Variants in BAG1 observed in about 807,000 individuals in gnomAD.
BAG1 encodes BAG cochaperone 1.
Under a neutral mutation model 35.5 loss-of-function variants are expected in BAG1, and 35 were observed. The ratio of observed to expected loss-of-function variants is 0.99; its 90% CI spans 0.75 to 1.31. The LOEUF is 1.31. BAG1 is among the 50% of genes most tolerant of loss of function. BAG1 has a pLI of 0.00. For synonymous variants in BAG1, 191 were observed against 178.9 expected (o/e 1.07, Z -0.54); for missense variants, 464 against 453.6 (o/e 1.02, Z -0.21).
chr9:33,262,886 G>T, intron 1 of BAG1, 56 bp from the exon 2 acceptor site: 1 of 1,595,350 alleles, frequency 6.3e-7, no homozygotes, highest in Admixed American at 1.7e-5. Context: ...CACCAATATA[G>T]GATGACACTT....
intron 2 of BAG1, chr9:33,261,804 G>A (rs747074110): frequency 1.2e-5 from 10 of 856,136 alleles, no homozygotes; most frequent in South Asian, 5.4e-5. Context: ...TTCTCAGGGG[G>A]GTGGGAAGAC....
In BAG1 at chr9:33,264,429, C is replaced by T. The variant is rs1181999947; in HGVS notation, c.246G>A (p.Arg82=). ...CCTCGCTCCGGGTCAACTCCTCGCT[C>T]CGGGTCGAGCGGCGCCGGGTTTTCT... Residue 82 remains arginine, a synonymous_variant, in exon 1 of 7, where the codon CGG becomes CGA. Coordinates refer to ENST00000634734, the MANE Select transcript of BAG1 (RefSeq NM_004323.6). The T allele has an allele frequency of 1.2e-6, 2 of 1,612,000 alleles. No homozygotes were observed. Among genetic ancestry groups the T allele is most frequent in the Admixed American group, 1.7e-5 (1 of 59,078 alleles).
chr9:33,262,665 A>C, intron 2 of BAG1, 37 bp downstream of exon 2: 1 of 1,560,370 alleles, frequency 6.4e-7, no homozygotes. Flanking sequence ...CTCAAAAAAA[A>C]AAAAAGAAAA....
rs1389416464 is a variant in BAG1 at position 33,257,269 on chromosome 9, G to C, written c.778-361C>G. ...CTGCCATTTACTAACTTGTGATCTT[G>C]AGCAAATTATTTAGCCTATTCATGC... On this transcript the variant is annotated intron_variant, in intron 4 of 6. Coordinates refer to ENST00000634734, the MANE Select transcript of BAG1 (RefSeq NM_004323.6). 2.0e-5 allele frequency: 4 copies of C among 198,976 alleles called. No individual in the cohort carries two copies. In the East Asian group the frequency reaches 5.4e-4, roughly 27 times the overall value. 12.3% of individuals were successfully genotyped at this position (198,976 alleles called of 1,614,324 possible).
rs745800802 is a variant in BAG1, at chr9:33,262,652, C to G, written c.580+50G>C. 5.4e-6 allele frequency: 8 copies of G among 1,486,954 alleles called. No homozygotes were observed. The East Asian group carries it at 1.2e-4, about 22-fold the overall frequency. The allele number at this position is 1,486,954 out of a possible 1,614,324, so 92.1% of individuals were successfully genotyped here. ...AGCCTGGGCGACAAGAGTGAAACTT[C>G]GTCTCAAAAAAAAAAAAAGAAAAAG... On this transcript the variant is annotated intron_variant, in intron 2 of 6. Coordinates refer to ENST00000634734, the MANE Select transcript of BAG1 (RefSeq NM_004323.6).
In BAG1 at chr9:33,255,868, A is replaced by C; in HGVS notation, c.945T>G (p.Val315=). 3 of 1,613,710 alleles carry C rather than the reference A, an allele frequency of 1.9e-6. No individual in the cohort carries two copies. The South Asian group carries it at 3.3e-5, about 18-fold the overall frequency. Residue 315 remains valine (V), a synonymous_variant, in exon 6 of 7, where the codon GTT becomes GTG. Transcript: ENST00000634734. ...CGTGCACTATTACACAACTCACCTGAACCTTTTTTACCAAGCCTTTCCTTT... is the reference window on the plus strand; with the variant it reads ...CGTGCACTATTACACAACTCACCTGCACCTTTTTTACCAAGCCTTTCCTTT...
At position 33,264,321 on chromosome 9, in the gene BAG1, C is replaced by G; in HGVS notation, c.354G>C (p.Arg118=). The G allele has an allele frequency of 6.2e-7, 1 of 1,613,508 alleles. No individual in the cohort carries two copies. Among genetic ancestry groups the G allele is most frequent in the Middle Eastern group, 1.6e-4 (1 of 6,062 alleles). ...CCTCGTCCCGGGTCACCTCCTGGCTCCGATTCATCTCTTCGCCCTGGGTCG... is the reference window on the plus strand; with the variant it reads ...CCTCGTCCCGGGTCACCTCCTGGCTGCGATTCATCTCTTCGCCCTGGGTCG... The change falls in exon 1 of 7, where the codon CGG becomes CGC. Residue 118 remains arginine (R), a synonymous_variant. Transcript: ENST00000634734.
At chr9:33,258,541 C>T (rs113614742) in intron 4 of BAG1, among the ~76,000 whole-genome samples, 68 of 152,252 alleles carry the variant, frequency 4.5e-4, no homozygotes, top group African/African-American at 1.6e-3. Context: ...ATTACAACAG[C>T]CCAGAGAGAA....
chr9:33,256,978 A>G (rs1820468940), intron 4 of BAG1, 70 bp from the exon 5 acceptor site: 1 of 1,166,102 alleles, frequency 8.6e-7, no homozygotes, highest in African/African-American at 1.5e-5. Flanking sequence ...CACAATACTA[A>G]TGATGCAATC....
chr9:33,254,551 T>C lies in BAG1; in HGVS notation c.*668A>G, dbSNP rs1351627033. On this transcript the variant is annotated 3_prime_UTR_variant, in exon 7 of 7. Coordinates refer to ENST00000634734, the MANE Select transcript of BAG1 (RefSeq NM_004323.6). ...CAGTCAACACTGGGTTCTAACCTTCTGAAGACTTGCTTGGGGACAAGGAAG... is the reference window on the plus strand; with the variant it reads ...CAGTCAACACTGGGTTCTAACCTTCCGAAGACTTGCTTGGGGACAAGGAAG... 2 of 159,988 alleles carry C rather than the reference T, an allele frequency of 1.3e-5. No homozygotes were observed. The highest frequency in any genetic ancestry group is 4.8e-5 in the African/African-American group (2 of 41,492). The allele number at this position is 159,988 out of a possible 1,614,324, so 9.9% of individuals were successfully genotyped here.
Position 33,264,281 on chromosome 9 carries a change from C to T in BAG1, c.394G>A (p.Glu132Lys), listed in dbSNP as rs1820653643. Residue 132 changes from glutamate (E) to lysine (K), a missense_variant, in exon 1 of 7, where the codon GAG becomes AAG. Glu to Lys is a moderately conservative substitution (Grantham distance 56). Coordinates refer to ENST00000634734, the MANE Select transcript of BAG1 (RefSeq NM_004323.6). ...GCCATTTCCTCCCTGGTCACCTCCTCGCTCCGGGTCGACTCCTCGTCCCGG... is the reference window on the plus strand; with the variant it reads ...GCCATTTCCTCCCTGGTCACCTCCTTGCTCCGGGTCGACTCCTCGTCCCGG... 6.2e-7 allele frequency: 1 copy of T among 1,613,852 alleles called. No homozygotes were observed. The highest frequency in any genetic ancestry group is 8.5e-7 in the Non-Finnish European group (1 of 1,179,956).
In BAG1 at chr9:33,254,857, T is replaced by C; in HGVS notation, c.*362A>G. 2.3e-6 allele frequency: 1 copy of C among 431,906 alleles called. No homozygotes were observed. 26.8% of individuals were successfully genotyped at this position (431,906 alleles called of 1,614,324 possible). The stretch of plus-strand genomic sequence containing the variant: ...ACAAGAGCAAAGAAGCCCTCATGTA[T>C]CTGAAGACTGAGGGGGCCTATAAAC... On this transcript the variant is annotated 3_prime_UTR_variant, in exon 7 of 7. Coordinates refer to ENST00000634734, the MANE Select transcript of BAG1 (RefSeq NM_004323.6).
Position 33,255,346 on chromosome 9 carries a change from G to A in BAG1, c.949-38C>T, listed in dbSNP as rs545605969. The stretch of plus-strand genomic sequence containing the variant: ...CACGGGGCAGTAAGGGCCCATCCAG[G>A]GGTAGCCGACCACTGCCCACACAAG... On this transcript the variant is annotated intron_variant, in intron 6 of 6. Coordinates refer to ENST00000634734, the MANE Select transcript of BAG1 (RefSeq NM_004323.6). 67 of 1,613,570 alleles carry A rather than the reference G, an allele frequency of 4.2e-5. No homozygotes were observed. In the South Asian group the frequency reaches 7.4e-4, roughly 18 times the overall value.
intron 3 of BAG1, 81 bp from the exon 4 acceptor site, chr9:33,259,114 A>C: frequency 8.8e-7 from 1 of 1,141,240 alleles, no homozygotes; most frequent in East Asian, 2.5e-5. Context: ...TAATCCCAGC[A>C]CTTTGGGAGG....
intron 4 of BAG1, chr9:33,257,189 G>A (rs1820474383): frequency 2.6e-6 from 1 of 386,908 alleles, no homozygotes; most frequent in Non-Finnish European, 4.7e-6. Context: ...CACAAGAAGA[G>A]GCAGATGTTA....
intron 5 of BAG1, among the ~76,000 whole-genome samples, chr9:33,256,138 A>G (rs1472312763): frequency 6.6e-6 from 1 of 152,070 alleles, no homozygotes; most frequent in Non-Finnish European, 1.5e-5. Flanking sequence ...GTCCCTATAA[A>G]AGCTCCCTGT....
intron 3 of BAG1, 129 bp downstream of exon 3, chr9:33,260,958 T>G: frequency 3.2e-6 from 2 of 631,690 alleles, no homozygotes; most frequent in South Asian, 4.5e-5. Flanking sequence ...CAATAAAGAT[T>G]GTATTTGTTT....
Position 33,264,660 on chromosome 9 carries a change from C to A in BAG1, c.15G>T (p.Gly5=), listed in dbSNP as rs576413756. ...GGTCGCCTCGCGGTCTCCGCGCCCCCCCGCGCTGAGCCAGGCCCGCACTTG... is the reference window on the plus strand; with the variant it reads ...GGTCGCCTCGCGGTCTCCGCGCCCCACCGCGCTGAGCCAGGCCCGCACTTG... The change falls in exon 1 of 7, where the codon GGG becomes GGT. Residue 5 remains glycine, a synonymous_variant. Coordinates refer to ENST00000634734, the MANE Select transcript of BAG1 (RefSeq NM_004323.6). 26 of 1,347,714 alleles carry A rather than the reference C, an allele frequency of 1.9e-5. No individual in the cohort carries two copies. The highest frequency in any genetic ancestry group is 1.2e-4 in the Admixed American group (3 of 25,288). 83.5% of individuals were successfully genotyped at this position (1,347,714 alleles called of 1,614,324 possible).
chr9:33,264,643 C>T lies in BAG1; in HGVS notation c.32G>A (p.Arg11Gln). ...GGAACCCAGCCGCTCCCGGTCGCCT[C>T]GCGGTCTCCGCGCCCCCCCGCGCTG... The change falls in exon 1 of 7, where the codon CGA becomes CAA. Residue 11 changes from arginine (R) to glutamine (Q), a missense_variant. Arg to Gln is a conservative substitution (Grantham distance 43, BLOSUM62 1). Transcript: ENST00000634734. The T allele has an allele frequency of 3.7e-6, 5 of 1,346,222 alleles. No individual in the cohort carries two copies. The highest frequency in any genetic ancestry group is 4.7e-6 in the Non-Finnish European group (5 of 1,057,380). 83.4% of individuals were successfully genotyped at this position (1,346,222 alleles called of 1,614,324 possible).
Sources: allele counts gnomAD v4.1 joint callset (sites outside exome capture counted in the v4.1 genomes callset), GRCh38; gene constraint gnomAD v4.1.1; transcripts MANE v1.5; gene names NCBI Gene and HGNC (gene_info 2026-07-23, HGNC 2026-07-21).